The following TSHR variants were observed in gnomAD, a reference collection of about 807,000 sequenced individuals.
TSHR encodes the protein thyroid stimulating hormone receptor, also known as thyrotropin receptor.
Under a neutral mutation model 64.1 loss-of-function variants are expected in TSHR, and 51 were observed. The ratio of observed to expected loss-of-function variants is 0.80; its 90% CI spans 0.64 to 1.01. The LOEUF (loss-of-function observed/expected upper bound fraction) is 1.01. TSHR is among the 50% of genes least tolerant of loss of function. The pLI is 0.00. For synonymous variants in TSHR, 361 were observed against 361.9 expected, an observed-to-expected ratio of 1.00 and a Z score of 0.03; for missense variants, 877 against 942.8, an observed-to-expected ratio of 0.93 and a Z score of 0.91.
chr14:81,005,228 TGTGTGTGTGTGTGCAC>T (rs1180571696), intron 1 of TSHR, among the ~76,000 whole-genome samples: 3 of 46,844 alleles, frequency 6.4e-5, no homozygotes, highest in Non-Finnish European at 1.6e-4. Flanking sequence ...TGTGTGTGTG[TGTGTGTGTGTGTGCAC>T]GCACGCACGT....
chr14:80,978,036 T>A lies in TSHR; in HGVS notation c.170+22186T>A, dbSNP rs117921815. Among the ~76,000 whole-genome samples, 806 of 151,838 alleles carry A rather than the reference T, an allele frequency of 5.3e-3. 10 individuals are homozygous for A. The highest frequency in any genetic ancestry group is 0.045 in the South Asian group (218 of 4,802). On this transcript the variant is annotated intron_variant, in intron 1 of 9. Transcript: ENST00000298171. ...AACAAAAATCCAGCTAATTCCTTCA[T>A]CCTTGTATTCATTGCTTTCCTTCAT... is the stretch of plus-strand genomic sequence containing the variant.
intron 1 of TSHR, chr14:80,982,915 G>T: frequency 1.9e-6 from 1 of 517,802 alleles, no homozygotes; most frequent in Non-Finnish European, 3.5e-6. Context: ...TAAGCCATTT[G>T]CTTACTCTTG....
chr14:81,048,367 T>C (rs1479860987), intron 1 of TSHR, among the ~76,000 whole-genome samples: 1 of 152,186 alleles, frequency 6.6e-6, no homozygotes, highest in Non-Finnish European at 1.5e-5. Flanking sequence ...CCATGGGAAG[T>C]TCACACATTC....
At chr14:80,985,994 C>T (rs2139731108) in intron 1 of TSHR, among the ~76,000 whole-genome samples, 1 of 152,284 alleles carries the variant, frequency 6.6e-6, no homozygotes, top group East Asian at 1.9e-4. Flanking sequence ...TCCAAACTCT[C>T]AGCATCCTGA....
intron 8 of TSHR, 27 bp downstream of exon 8, chr14:81,108,479 T>C: frequency 6.3e-7 from 1 of 1,581,010 alleles, no homozygotes; most frequent in Non-Finnish European, 8.6e-7. Flanking sequence ...AAAGAATATT[T>C]TAGTCTTTTT....
chr14:80,983,583 T>C, intron 1 of TSHR: 2 of 1,093,502 alleles, frequency 1.8e-6, no homozygotes, highest in Non-Finnish European at 2.7e-6. Context: ...TCACTTGAGT[T>C]ATAATACACT....
At chr14:81,004,786 C>A (rs1889509401) in intron 1 of TSHR, among the ~76,000 whole-genome samples, 1 of 152,184 alleles carries the variant, frequency 6.6e-6, no homozygotes. Context: ...CTCAGAAATA[C>A]TGGAAGTCAT....
intron 1 of TSHR, among the ~76,000 whole-genome samples, chr14:80,976,361 C>G (rs1437781820): frequency 6.6e-6 from 1 of 152,190 alleles, no homozygotes; most frequent in African/African-American, 2.4e-5. Context: ...AGGGAGTAGT[C>G]TGACCCCTGT....
intron 1 of TSHR, among the ~76,000 whole-genome samples, chr14:81,046,369 T>G (rs936322608): frequency 4.6e-5 from 7 of 152,074 alleles, no homozygotes; most frequent in South Asian, 2.1e-4. Context: ...TGAAAGGAAC[T>G]TCTAAAGTTA....
chr14:80,998,393 A>C lies in TSHR; in HGVS notation c.170+42543A>C, dbSNP rs1300673749. Among the ~76,000 whole-genome samples, 4 of 152,146 alleles carry C rather than the reference A, an allele frequency of 2.6e-5. No individual in the cohort carries two copies. In the East Asian group the frequency reaches 7.7e-4, roughly 29 times the overall value. The stretch of plus-strand genomic sequence containing the variant: ...TTGCCCACACTTTCATGGAATTTGC[A>C]TTTTAGACAGACAGCCAGCAATGAT... On this transcript the variant is annotated intron_variant, in intron 1 of 9. Transcript: ENST00000298171.
intron 1 of TSHR, among the ~76,000 whole-genome samples, chr14:80,972,289 G>A (rs1887623743): frequency 6.6e-6 from 1 of 151,904 alleles, no homozygotes. Flanking sequence ...TCATTGTTCT[G>A]TGGGGTTTTT....
chr14:81,075,031 A>G (rs1887394525), intron 3 of TSHR, among the ~76,000 whole-genome samples: 1 of 152,248 alleles, frequency 6.6e-6, no homozygotes. Flanking sequence ...AATTTGGCCT[A>G]AAGGCCTCTC....
chr14:81,096,713 T>C lies in TSHR; in HGVS notation c.614+6T>C. On this transcript the variant is annotated splice_donor_region_variant and intron_variant, in intron 7 of 9. Transcript: ENST00000298171. The stretch of plus-strand genomic sequence containing the variant: ...GGGACAAAGCTGGATGCTGTGTAAG[T>C]CAAGGGTAGCCATGAAAACTGTCAC... 6.2e-7 allele frequency: 1 copy of C among 1,613,170 alleles called. No individual in the cohort carries two copies. Among genetic ancestry groups the C allele is most frequent in the Non-Finnish European group, 8.5e-7 (1 of 1,179,398 alleles).
At chr14:81,097,377 G>A (rs1357201148) in intron 7 of TSHR, among the ~76,000 whole-genome samples, 1 of 151,964 alleles carries the variant, frequency 6.6e-6, no homozygotes, top group Non-Finnish European at 1.5e-5. Flanking sequence ...TTATGTTCCA[G>A]AAATGATCCC....
intron 1 of TSHR, among the ~76,000 whole-genome samples, chr14:80,996,511 A>G (rs561168182): frequency 6.6e-6 from 1 of 152,296 alleles, no homozygotes; most frequent in East Asian, 1.9e-4. Context: ...GGGAGCACAA[A>G]GAGACACACT....
At chr14:81,002,796 T>C (rs970363908) in intron 1 of TSHR, among the ~76,000 whole-genome samples, 3 of 36,288 alleles carry the variant, frequency 8.3e-5, no homozygotes, top group South Asian at 1.6e-3. Flanking sequence ...TTTTTTTTTT[T>C]TTTTTTTTTT....
intron 1 of TSHR, among the ~76,000 whole-genome samples, chr14:81,010,811 G>T (rs980760876): frequency 6.6e-6 from 1 of 151,156 alleles, no homozygotes; most frequent in African/African-American, 2.4e-5. Context: ...ATGGCCAAAA[G>T]ATGTACATGT....
intron 1 of TSHR, among the ~76,000 whole-genome samples, chr14:80,968,446 G>T (rs1302484999): frequency 6.6e-6 from 1 of 151,680 alleles, no homozygotes; most frequent in Non-Finnish European, 1.5e-5. Context: ...CCTTCAAGAT[G>T]CAGTCCTTGC....
At chr14:80,992,915 C>G (rs1888815256) in intron 1 of TSHR, 1 of 151,966 alleles carries the variant, frequency 6.6e-6, no homozygotes, top group African/African-American at 2.4e-5. Flanking sequence ...ATGATGGGAA[C>G]CAAGAGAAAT....
Sources: allele counts gnomAD v4.1 joint callset (sites outside exome capture counted in the v4.1 genomes callset), GRCh38; gene constraint gnomAD v4.1.1; transcripts MANE v1.5; gene names NCBI Gene and HGNC (gene_info 2026-07-23, HGNC 2026-07-21).